Variants in ERP44 observed in about 807,000 individuals in gnomAD.
ERP44 encodes endoplasmic reticulum protein 44.
Under a neutral mutation model 53.4 loss-of-function variants are expected in ERP44, and 25 were observed. The observed-to-expected ratio is 0.47, with a 90% CI of 0.34 to 0.65. The LOEUF is 0.65. Among genes scored for constraint, ERP44 ranks in the 30% least tolerant of loss-of-function variants. The pLI is 0.01. For missense variants in ERP44, 338 were observed against 493.2 expected (o/e 0.69, Z 2.98); for synonymous variants, 145 against 161.2 (o/e 0.90, Z 0.76).
chr9:100,068,756 C>T (rs1236738438), intron 1 of ERP44, among the ~76,000 whole-genome samples: 20 of 151,206 alleles, frequency 1.3e-4, no homozygotes, highest in Non-Finnish European at 2.7e-4. Context: ...GTGAGGAGCC[C>T]CTCTGCCCGG....
At chr9:100,055,516 G>A (rs956681387) in intron 3 of ERP44, among the ~76,000 whole-genome samples, 7 of 152,180 alleles carry the variant, frequency 4.6e-5, no homozygotes, top group African/African-American at 1.7e-4. Context: ...GGGATTACAG[G>A]TGCCTGCCAC....
intron 1 of ERP44, among the ~76,000 whole-genome samples, chr9:100,069,263 C>T (rs1325701007): frequency 1.3e-5 from 2 of 148,198 alleles, no homozygotes; most frequent in East Asian, 2.0e-4. Context: ...TCCCCCTCTG[C>T]GAGAAACACC....
intron 4 of ERP44, among the ~76,000 whole-genome samples, chr9:100,040,668 G>A (rs1395823763): frequency 6.6e-6 from 1 of 152,140 alleles, no homozygotes; most frequent in Non-Finnish European, 1.5e-5. Flanking sequence ...AGAGCAGTCA[G>A]ATGAGAGAAA....
intron 1 of ERP44, among the ~76,000 whole-genome samples, chr9:100,068,099 G>A (rs577860816): frequency 1.1e-4 from 16 of 143,810 alleles, no homozygotes; most frequent in African/African-American, 2.6e-4. Context: ...CCCCCCGCCC[G>A]GCCAGCTGCC....
chr9:100,023,861 A>G (rs1248120011), intron 4 of ERP44, among the ~76,000 whole-genome samples: 3 of 152,190 alleles, frequency 2.0e-5, no homozygotes, highest in Non-Finnish European at 2.9e-5. Flanking sequence ...CCTTTTTAAA[A>G]GTTACTATTT....
At chr9:99,984,651 G>A (rs1830178888) in intron 11 of ERP44, among the ~76,000 whole-genome samples, 1 of 152,126 alleles carries the variant, frequency 6.6e-6, no homozygotes, top group South Asian at 2.1e-4. Context: ...TTTCTTCACT[G>A]ATTTATCTGC....
chr9:100,054,670 T>G (rs1217806750), intron 3 of ERP44, among the ~76,000 whole-genome samples: 1 of 152,196 alleles, frequency 6.6e-6, no homozygotes, highest in Non-Finnish European at 1.5e-5. Context: ...GTTGAACCAG[T>G]AAGTATAAGG....
chr9:100,043,128 G>A (rs779134149), intron 4 of ERP44, among the ~76,000 whole-genome samples: 36 of 150,664 alleles, frequency 2.4e-4, no homozygotes, highest in Non-Finnish European at 4.4e-4. Context: ...GCATGGTGGC[G>A]GGCACCTGTA....
At chr9:99,989,211 G>T (rs1050778890) in intron 10 of ERP44, among the ~76,000 whole-genome samples, 2 of 152,188 alleles carry the variant, frequency 1.3e-5, no homozygotes, top group Non-Finnish European at 2.9e-5. Context: ...TGAGCTCTGT[G>T]AACAGGCAGA....
Position 100,068,687 on chromosome 9 carries a change from G to A in ERP44, c.58-8515C>T, listed in dbSNP as rs1194831213. Among the ~76,000 whole-genome samples the A allele has an allele frequency of 4.1e-5, 6 of 147,644 alleles. No homozygotes were observed. In the South Asian group the frequency reaches 6.5e-4, roughly 16 times the overall value. ...AGGTGGGGGAGTCAACCCCCCACCC[G>A]GCCAGCCGCCCCGTCCGGGAGGTGA... On this transcript the variant is annotated intron_variant, in intron 1 of 11. Coordinates refer to ENST00000262455, the MANE Select transcript of ERP44 (RefSeq NM_015051.3).
chr9:99,998,938 C>T (rs1830345318), intron 10 of ERP44: 9 of 1,593,086 alleles, frequency 5.6e-6, no homozygotes, highest in Non-Finnish European at 7.7e-6. Context: ...TCTTCCTCCA[C>T]ACAGTAGGTT....
Position 99,980,793 on chromosome 9 carries a change from CT to C in ERP44, c.*1818del, listed in dbSNP as rs1269406950. 2 of 152,210 alleles carry C rather than the reference CT, an allele frequency of 1.3e-5. No individual in the cohort carries two copies. The highest frequency in any genetic ancestry group is 2.9e-5 in the Non-Finnish European group (2 of 68,034). The allele number at this position is 152,210 out of a possible 1,614,324, so 9.4% of individuals were successfully genotyped here. A position where few individuals can be genotyped will look rare whatever the true frequency, so the allele number is the denominator to read the frequency against. On this transcript the variant is annotated 3_prime_UTR_variant, in exon 12 of 12. Coordinates refer to ENST00000262455, the MANE Select transcript of ERP44 (RefSeq NM_015051.3). ...CAATATGCATGAATGCTAAGTAATA[CT>C]TCCTCAAATCAACTCCCTTTTTAAC...
At chr9:100,079,899 C>T (rs1166722932) in intron 1 of ERP44, among the ~76,000 whole-genome samples, 3 of 150,032 alleles carry the variant, frequency 2.0e-5, no homozygotes, top group Admixed American at 6.6e-5. Flanking sequence ...TGCAGCACTG[C>T]ACTCTAGCCT....
intron 1 of ERP44, among the ~76,000 whole-genome samples, chr9:100,065,816 T>C (rs1291921908): frequency 6.6e-6 from 1 of 152,222 alleles, no homozygotes; most frequent in Non-Finnish European, 1.5e-5. Flanking sequence ...AAAGAGGTTA[T>C]CAAACATTAC....
At chr9:100,004,488 G>A (rs1830408421) in intron 10 of ERP44, among the ~76,000 whole-genome samples, 2 of 152,164 alleles carry the variant, frequency 1.3e-5, no homozygotes, top group African/African-American at 4.8e-5. Context: ...GGGACTAAAT[G>A]CTCAGTTCAT....
chr9:100,055,072 C>T (rs1826074711), intron 3 of ERP44, among the ~76,000 whole-genome samples: 2 of 152,048 alleles, frequency 1.3e-5, no homozygotes, highest in Non-Finnish European at 2.9e-5. Flanking sequence ...ATCCCAGTTC[C>T]ACCACTTACT....
chr9:100,050,635 A>G (rs1434901848), intron 4 of ERP44, among the ~76,000 whole-genome samples: 1 of 152,216 alleles, frequency 6.6e-6, no homozygotes, highest in Non-Finnish European at 1.5e-5. Flanking sequence ...CATAACAATC[A>G]TTTCTTTAAA....
intron 4 of ERP44, among the ~76,000 whole-genome samples, chr9:100,048,077 C>T (rs182267620): frequency 2.0e-4 from 30 of 151,896 alleles, no homozygotes; most frequent in Admixed American, 4.6e-4. Flanking sequence ...AACAAACAAA[C>T]GAACAAAAAC....
intron 5 of ERP44, among the ~76,000 whole-genome samples, chr9:100,021,215 T>C (rs1830585208): frequency 2.0e-5 from 3 of 152,172 alleles, no homozygotes; most frequent in Admixed American, 2.0e-4. Context: ...TACGAGGTAA[T>C]GCCTCTAGCC....
Sources: allele counts gnomAD v4.1 joint callset (sites outside exome capture counted in the v4.1 genomes callset), GRCh38; gene constraint gnomAD v4.1.1; transcripts MANE v1.5; gene names NCBI Gene and HGNC (gene_info 2026-07-23, HGNC 2026-07-21).